Variants in CYTH3 observed in about 807,000 individuals in gnomAD.
The protein encoded by CYTH3 is cytohesin 3.
In CYTH3, 23 loss-of-function variants were observed where a neutral mutation model predicts 55.1. That is an observed-to-expected ratio of 0.42 (90% CI 0.30 to 0.59). The LOEUF is 0.59. Among genes scored for constraint, CYTH3 ranks in the 20% least tolerant of loss-of-function variants. CYTH3 has a pLI of 0.20. For synonymous variants in CYTH3, 249 were observed against 194.9 expected (o/e 1.28, Z -2.31); for missense variants, 413 against 524.8 (o/e 0.79, Z 2.08).
At chr7:6,218,635 A>G (rs1784478362) in intron 1 of CYTH3, among the ~76,000 whole-genome samples, 1 of 152,220 alleles carries the variant, frequency 6.6e-6, no homozygotes, top group African/African-American at 2.4e-5. Context: ...TAAGGGACAG[A>G]GGCTGGAATA....
At chr7:6,252,127 T>C (rs1002525877) in intron 1 of CYTH3, among the ~76,000 whole-genome samples, 16 of 152,230 alleles carry the variant, frequency 1.1e-4, no homozygotes, top group African/African-American at 3.9e-4. Flanking sequence ...GAATGTAGTT[T>C]GATTGAACTA....
chr7:6,198,655 CAAG>C (rs199654593), intron 1 of CYTH3, among the ~76,000 whole-genome samples: 2,008 of 152,062 alleles, frequency 0.013, 26 homozygotes, highest in Middle Eastern at 0.061. Flanking sequence ...TTTTTCCTCC[CAAG>C]AAATCTAGCG....
chr7:6,215,546 C>T (rs971331840), intron 1 of CYTH3, among the ~76,000 whole-genome samples: 6 of 149,000 alleles, frequency 4.0e-5, no homozygotes, highest in African/African-American at 9.9e-5. Flanking sequence ...GCCGAGATCG[C>T]GCCACCGCAC....
chr7:6,261,509 G>A (rs1780352728), intron 1 of CYTH3, among the ~76,000 whole-genome samples: 1 of 151,984 alleles, frequency 6.6e-6, no homozygotes, highest in Admixed American at 6.6e-5. Flanking sequence ...GAGGCCAGGA[G>A]TTCAAGACCA....
chr7:6,246,797 C>T (rs1458441156), intron 1 of CYTH3, among the ~76,000 whole-genome samples: 1 of 150,030 alleles, frequency 6.7e-6, no homozygotes, highest in East Asian at 2.0e-4. Flanking sequence ...TCAGTATTTA[C>T]AATATTTGAC....
chr7:6,263,293 T>C (rs933794751), intron 1 of CYTH3, among the ~76,000 whole-genome samples: 15 of 152,234 alleles, frequency 9.9e-5, no homozygotes, highest in Non-Finnish European at 1.9e-4. Flanking sequence ...AAACACTGTG[T>C]GCTGATTAGA....
chr7:6,170,436 C>T lies in CYTH3; in HGVS notation c.823+99G>A, dbSNP rs1018987749. ...CGTTTCTTTTTAACGTCTCTGCCTG[C>T]GGTGGGGGGCATTCCTACGATGAGC... On this transcript the variant is annotated intron_variant, in intron 9 of 12. Coordinates refer to ENST00000350796, the MANE Select transcript of CYTH3 (RefSeq NM_004227.4). This position sits in a 1 kb window ranked among gnomAD's most constrained non-coding sequence, Gnocchi z 7.8. 11 of 1,085,754 alleles carry T rather than the reference C, an allele frequency of 1.0e-5. No homozygotes were observed. Among genetic ancestry groups the T allele is most frequent in the South Asian group, 7.6e-5 (5 of 65,746 alleles). The allele number at this position is 1,085,754 out of a possible 1,614,324, so 67.3% of individuals were successfully genotyped here.
chr7:6,258,250 C>A (rs1033900420), intron 1 of CYTH3, among the ~76,000 whole-genome samples: 18 of 151,222 alleles, frequency 1.2e-4, no homozygotes, highest in African/African-American at 4.4e-4. Context: ...GAGGTTGAGA[C>A]CGCAAAGAGC....
chr7:6,196,448 CTTTTTTT>C (rs1783930933), intron 1 of CYTH3, among the ~76,000 whole-genome samples: 1 of 135,256 alleles, frequency 7.4e-6, no homozygotes, highest in African/African-American at 2.9e-5. Flanking sequence ...CATCTTTTTT[CTTTTTTT>C]CTTTTTTTTT....
chr7:6,205,398 C>T (rs1784160439), intron 1 of CYTH3, among the ~76,000 whole-genome samples: 1 of 151,972 alleles, frequency 6.6e-6, no homozygotes, highest in South Asian at 2.1e-4. Flanking sequence ...CATGGTAAAA[C>T]CCCATCTCTA....
Position 6,200,980 on chromosome 7 carries a change from C to T in CYTH3, c.35-10449G>A, listed in dbSNP as rs544251378. On this transcript the variant is annotated intron_variant, in intron 1 of 12. Coordinates refer to ENST00000350796, the MANE Select transcript of CYTH3 (RefSeq NM_004227.4). ...ACTATGTTGTTGTCCAGGCTAGTCTCAAACTCCTGGGCTCAAGTAATCCTC... is the reference window on the plus strand; with the variant it reads ...ACTATGTTGTTGTCCAGGCTAGTCTTAAACTCCTGGGCTCAAGTAATCCTC... Among the ~76,000 whole-genome samples, 8 of 152,336 alleles carry T rather than the reference C, an allele frequency of 5.3e-5. No individual in the cohort carries two copies. The East Asian group carries it at 1.2e-3, about 22-fold the overall frequency.
Position 6,192,511 on chromosome 7 carries a change from G to A in CYTH3, c.35-1980C>T, listed in dbSNP as rs182722651. Among the ~76,000 whole-genome samples, 35 of 148,808 alleles carry A rather than the reference G, an allele frequency of 2.4e-4. No homozygotes were observed. The East Asian group carries it at 7.0e-3, about 30-fold the overall frequency. On this transcript the variant is annotated intron_variant, in intron 1 of 12. Coordinates refer to ENST00000350796, the MANE Select transcript of CYTH3 (RefSeq NM_004227.4). ...ACAGGGATTACAGATGTGAGCCACT[G>A]TGCCCAGCCACAAGTCAATTTTTTT...
chr7:6,250,879 A>T (rs2115047160), intron 1 of CYTH3, among the ~76,000 whole-genome samples: 1 of 152,358 alleles, frequency 6.6e-6, no homozygotes, highest in East Asian at 1.9e-4. Flanking sequence ...TACCAAATAC[A>T]CTGAAGGTGC....
chr7:6,242,635 A>G (rs946223145), intron 1 of CYTH3, among the ~76,000 whole-genome samples: 3 of 152,202 alleles, frequency 2.0e-5, no homozygotes, highest in Admixed American at 6.5e-5. Context: ...TCGGCCTCCA[A>G]AAGTGCTGGG....
At chr7:6,245,419 T>C (rs1259370386) in intron 1 of CYTH3, among the ~76,000 whole-genome samples, 2 of 152,144 alleles carry the variant, frequency 1.3e-5, no homozygotes, top group African/African-American at 2.4e-5. Flanking sequence ...CTGCTGATAC[T>C]CTGATGGGGA....
intron 4 of CYTH3, among the ~76,000 whole-genome samples, chr7:6,179,152 G>A (rs969330237): frequency 7.9e-5 from 12 of 152,150 alleles, no homozygotes; most frequent in East Asian, 7.7e-4. Context: ...TAAGAGAACC[G>A]ATCAGTACAT....
At chr7:6,180,629 G>A (rs950006258) in intron 4 of CYTH3, among the ~76,000 whole-genome samples, 5 of 152,204 alleles carry the variant, frequency 3.3e-5, no homozygotes, top group Non-Finnish European at 7.3e-5. Context: ...AAACCACCCC[G>A]TTGCTGGTCA....
Position 6,171,145 on chromosome 7 carries a change from C to T in CYTH3, c.562+57G>A, listed in dbSNP as rs542175825. On this transcript the variant is annotated intron_variant, in intron 7 of 12. Transcript: ENST00000350796. The surrounding 1 kb of genome is among the most constrained non-coding windows in gnomAD (Gnocchi z 6.7). ...TGGGCTGTGCCCACAGGGGCCGCCC[C>T]CTCCAGAGCTGGAGGCTGTGCCTGG... is the stretch of plus-strand genomic sequence containing the variant. 5.0e-4 allele frequency: 805 copies of T among 1,601,028 alleles called. 6 individuals are homozygous for T. In the African/African-American group the frequency reaches 6.9e-3, roughly 14 times the overall value.
chr7:6,240,060 CT>C (rs1393169883), intron 1 of CYTH3, among the ~76,000 whole-genome samples: 3 of 152,162 alleles, frequency 2.0e-5, no homozygotes, highest in African/African-American at 7.2e-5. Flanking sequence ...AATCCCAGCA[CT>C]TTGGGAGGCC....
Sources: allele counts gnomAD v4.1 joint callset (sites outside exome capture counted in the v4.1 genomes callset), GRCh38; gene constraint gnomAD v4.1.1; non-coding constraint Gnocchi (gnomAD v3.1); transcripts MANE v1.5; gene names NCBI Gene and HGNC (gene_info 2026-07-23, HGNC 2026-07-21).